PTPRD: variants seen among roughly 807,000 people sequenced by gnomAD.
PTPRD encodes receptor-type tyrosine-protein phosphatase delta.
Under a neutral mutation model 214.5 loss-of-function variants are expected in PTPRD, and 34 were observed. The ratio of observed to expected loss-of-function variants is 0.16; its 90% CI spans 0.12 to 0.21. The LOEUF (loss-of-function observed/expected upper bound fraction) is 0.21. PTPRD is among the 10% of genes least tolerant of loss of function. The pLI, the probability that PTPRD is intolerant of heterozygous loss-of-function variation, is 1.00. For synonymous variants in PTPRD, 1,128 were observed against 845.7 expected, an observed-to-expected ratio of 1.33 and a Z score of -5.79; for missense variants, 2,545 against 2,398.7, an observed-to-expected ratio of 1.06 and a Z score of -1.27.
At chr9:8,848,501 AAT>A (rs1416692184) in intron 11 of PTPRD, among the ~76,000 whole-genome samples, 10 of 97,634 alleles carry the variant, frequency 1.0e-4, no homozygotes, top group East Asian at 5.8e-4. Context: ...GTATCTGGCA[AAT>A]ATTTTTTTTT....
At chr9:8,752,517 T>C (rs934824732) in intron 11 of PTPRD, among the ~76,000 whole-genome samples, 7 of 152,306 alleles carry the variant, frequency 4.6e-5, no homozygotes, top group South Asian at 2.1e-4. Context: ...TTCATTCCTT[T>C]ACTTTTCTTA....
chr9:8,996,709 C>A (rs942030830), intron 11 of PTPRD, among the ~76,000 whole-genome samples: 1 of 152,062 alleles, frequency 6.6e-6, no homozygotes, highest in African/African-American at 2.4e-5. Context: ...AAACAAGCTC[C>A]TTCAAGCCTC....
chr9:8,433,767 T>C (rs546389083), intron 35 of PTPRD, among the ~76,000 whole-genome samples: 132 of 152,314 alleles, frequency 8.7e-4, no homozygotes, highest in African/African-American at 2.8e-3. Flanking sequence ...TTTTATAAAG[T>C]AGTTACAGTA....
At chr9:10,117,319 T>C (rs1322324003) in intron 3 of PTPRD, among the ~76,000 whole-genome samples, 4 of 152,130 alleles carry the variant, frequency 2.6e-5, no homozygotes, top group Non-Finnish European at 5.9e-5. Context: ...TGTTATTCCT[T>C]TAGCATACTT....
At chr9:10,439,388 G>A (rs1012453736) in intron 2 of PTPRD, among the ~76,000 whole-genome samples, 1 of 151,680 alleles carries the variant, frequency 6.6e-6, no homozygotes, top group Non-Finnish European at 1.5e-5. Context: ...CCTACATCTG[G>A]ATTACTTCTA....
At chr9:9,234,321 T>C (rs1057214256) in intron 9 of PTPRD, among the ~76,000 whole-genome samples, 1 of 152,174 alleles carries the variant, frequency 6.6e-6, no homozygotes, top group Non-Finnish European at 1.5e-5. Context: ...CAGGGCACCA[T>C]GTCCTGAGGA....
intron 7 of PTPRD, among the ~76,000 whole-genome samples, chr9:9,719,054 G>A (rs930853416): frequency 6.6e-6 from 1 of 152,146 alleles, no homozygotes; most frequent in Non-Finnish European, 1.5e-5. Context: ...CTTCCTTGAT[G>A]TCTTATGGCC....
chr9:9,658,708 TA>T (rs1312668618), intron 7 of PTPRD, among the ~76,000 whole-genome samples: 1 of 152,180 alleles, frequency 6.6e-6, no homozygotes, highest in Non-Finnish European at 1.5e-5. Context: ...TAAGATATTT[TA>T]TCCTGGTCAT....
chr9:10,045,523 A>AT, intron 3 of PTPRD, among the ~76,000 whole-genome samples: 1 of 151,766 alleles, frequency 6.6e-6, no homozygotes, highest in African/African-American at 2.4e-5. Context: ...ACAATAAGAT[A>AT]TTTTTTATAT....
At chr9:9,144,362 A>G (rs1316396370) in intron 10 of PTPRD, among the ~76,000 whole-genome samples, 1 of 152,240 alleles carries the variant, frequency 6.6e-6, no homozygotes, top group Admixed American at 6.5e-5. Flanking sequence ...CATGTACTAA[A>G]GAGCTTTCAA....
intron 11 of PTPRD, among the ~76,000 whole-genome samples, chr9:8,934,423 A>ATATATATATAAATATATATATATT (rs1567096846): frequency 1.7e-5 from 1 of 60,052 alleles, no homozygotes; most frequent in Non-Finnish European, 2.9e-5. Context: ...GTGTGTGTGT[A>ATATATATATAAATATATATATATT]TATATATATA....
At chr9:9,561,825 T>C (rs1216210528) in intron 8 of PTPRD, among the ~76,000 whole-genome samples, 1 of 152,216 alleles carries the variant, frequency 6.6e-6, no homozygotes, top group African/African-American at 2.4e-5. Context: ...CTCTCATTTG[T>C]TGGTTCCTTC....
intron 10 of PTPRD, among the ~76,000 whole-genome samples, chr9:9,159,382 A>G (rs1207838279): frequency 1.3e-5 from 2 of 152,186 alleles, no homozygotes; most frequent in East Asian, 1.9e-4. Flanking sequence ...TATAAAATCA[A>G]TATCCACAAA....
At chr9:9,814,943 G>A (rs2048303913) in intron 5 of PTPRD, among the ~76,000 whole-genome samples, 1 of 151,238 alleles carries the variant, frequency 6.6e-6, no homozygotes. Context: ...GGGACTACAG[G>A]TGCACGCCAC....
chr9:9,389,531 A>T (rs7863438), intron 9 of PTPRD, among the ~76,000 whole-genome samples: 1 of 152,050 alleles, frequency 6.6e-6, no homozygotes, highest in African/African-American at 2.4e-5. Flanking sequence ...ATAAAAAAAC[A>T]TTAATTATGT....
At chr9:9,075,816 G>C (rs1046305823) in intron 10 of PTPRD, among the ~76,000 whole-genome samples, 1 of 152,150 alleles carries the variant, frequency 6.6e-6, no homozygotes, top group African/African-American at 2.4e-5. Flanking sequence ...TTCATTGATG[G>C]AAATTTGGCT....
At chr9:8,694,124 T>C (rs1419816712) in intron 12 of PTPRD, among the ~76,000 whole-genome samples, 1 of 152,272 alleles carries the variant, frequency 6.6e-6, no homozygotes, top group South Asian at 2.1e-4. Flanking sequence ...CAATGGATAG[T>C]GATGGGATGT....
chr9:9,785,973 T>C (rs1218516767), intron 5 of PTPRD, among the ~76,000 whole-genome samples: 2 of 152,230 alleles, frequency 1.3e-5, no homozygotes, highest in Non-Finnish European at 2.9e-5. Context: ...CTAAGTTATT[T>C]ATTACCACTT....
chr9:8,560,968 G>C (rs575138987), intron 14 of PTPRD, among the ~76,000 whole-genome samples: 57 of 151,298 alleles, frequency 3.8e-4, no homozygotes, highest in African/African-American at 1.4e-3. Context: ...TGATGACAGT[G>C]AAAGGAGGCA....
Sources: gnomAD v4.1 joint callset for allele counts (sites outside exome capture counted in the v4.1 genomes callset) on GRCh38, gnomAD v4.1.1 for gene constraint, MANE v1.5 for transcripts, NCBI Gene and HGNC (gene_info 2026-07-23, HGNC 2026-07-21) for gene names.